The following RCOR1 variants were observed in gnomAD, a reference collection of about 807,000 sequenced individuals.
RCOR1 encodes the protein REST corepressor 1, also known as REST corepressor.
Under a neutral mutation model 64.0 loss-of-function variants are expected in RCOR1, and 12 were observed. The observed-to-expected ratio is 0.19, with a 90% CI of 0.12 to 0.30. RCOR1 has a LOEUF of 0.30. RCOR1 is among the 10% of genes least tolerant of loss of function. RCOR1 has a pLI of 1.00. For missense variants in RCOR1, 502 were observed against 621.2 expected (o/e 0.81, Z 2.04); for synonymous variants, 279 against 227.2 (o/e 1.23, Z -2.05).
chr14:102,593,426 T>C, intron 2 of RCOR1, 101 bp downstream of exon 2: 1 of 1,262,818 alleles, frequency 7.9e-7, no homozygotes. Flanking sequence ...TTTCTTTTTG[T>C]GCGTTCGCCC....
At chr14:102,708,118 A>G (rs1398790798) in intron 5 of RCOR1, among the ~76,000 whole-genome samples, 2 of 151,996 alleles carry the variant, frequency 1.3e-5, no homozygotes, top group East Asian at 1.9e-4. Flanking sequence ...GGCGCCCGCT[A>G]CCACGCCCGG....
chr14:102,729,800 T>C lies in RCOR1; in HGVS notation c.*3294T>C. Reference sequence around the variant, plus strand: ...AAGCCAAACAGTGCATTACGCTAACTGGATCCCTGCTTTTATGTGAGCTAA... The same window carrying C: ...AAGCCAAACAGTGCATTACGCTAACCGGATCCCTGCTTTTATGTGAGCTAA... On this transcript the variant is annotated 3_prime_UTR_variant, in exon 12 of 12. Transcript: ENST00000262241. 2.5e-6 allele frequency: 1 copy of C among 399,098 alleles called. No individual in the cohort carries two copies. Among genetic ancestry groups the C allele is most frequent in the Non-Finnish European group, 4.4e-6 (1 of 226,072 alleles). 24.7% of individuals were successfully genotyped at this position (399,098 alleles called of 1,614,324 possible).
intron 11 of RCOR1, 151 bp downstream of exon 11, chr14:102,722,567 T>A: frequency 1.6e-6 from 1 of 632,354 alleles, no homozygotes. Flanking sequence ...GGAATGTGTA[T>A]GCATTGACTC....
intron 2 of RCOR1, among the ~76,000 whole-genome samples, chr14:102,604,660 C>G (rs955505545): frequency 9.9e-5 from 15 of 152,024 alleles, no homozygotes; most frequent in Admixed American, 4.6e-4. Flanking sequence ...TTTTATGTTT[C>G]AGTAAGAAAG....
At chr14:102,715,724 T>G (rs1256829615) in intron 8 of RCOR1, among the ~76,000 whole-genome samples, 2 of 152,198 alleles carry the variant, frequency 1.3e-5, no homozygotes, top group Non-Finnish European at 2.9e-5. Flanking sequence ...TTTTGTCCAT[T>G]TTTGAATTTT....
At chr14:102,618,807 C>T (rs1186241393) in intron 2 of RCOR1, among the ~76,000 whole-genome samples, 5 of 151,890 alleles carry the variant, frequency 3.3e-5, no homozygotes, top group Non-Finnish European at 7.4e-5. Flanking sequence ...AACCTAGGGG[C>T]TTGGTGGGAT....
chr14:102,675,589 A>G (rs1895128830), intron 2 of RCOR1, among the ~76,000 whole-genome samples: 1 of 152,228 alleles, frequency 6.6e-6, no homozygotes. Context: ...GATGTGGTGC[A>G]CAAATGGATG....
At chr14:102,625,433 CCAT>C (rs1893960025) in intron 2 of RCOR1, among the ~76,000 whole-genome samples, 1 of 151,602 alleles carries the variant, frequency 6.6e-6, no homozygotes, top group Non-Finnish European at 1.5e-5. Flanking sequence ...CAGGGTTTCT[CCAT>C]GTTGGTCAGG....
intron 2 of RCOR1, among the ~76,000 whole-genome samples, chr14:102,625,918 G>A (rs1425670467): frequency 1.3e-5 from 2 of 152,078 alleles, no homozygotes; most frequent in African/African-American, 4.8e-5. Flanking sequence ...TAATCCTTCC[G>A]ATACCTTGGC....
chr14:102,725,983 G>T (rs1046933009), intron 11 of RCOR1, among the ~76,000 whole-genome samples: 3 of 152,170 alleles, frequency 2.0e-5, no homozygotes, highest in East Asian at 1.9e-4. Context: ...CACATATTGG[G>T]GTTTGAGGCC....
chr14:102,658,549 G>A, intron 2 of RCOR1: 1 of 985,284 alleles, frequency 1.0e-6, no homozygotes, highest in South Asian at 4.7e-5. Flanking sequence ...TTTAGAATGT[G>A]ACTCTTTTCT....
chr14:102,667,039 A>G (rs1459618602), intron 2 of RCOR1, among the ~76,000 whole-genome samples: 1 of 152,188 alleles, frequency 6.6e-6, no homozygotes, highest in Admixed American at 6.5e-5. Flanking sequence ...TGATTTGATC[A>G]GAATTATGTT....
intron 3 of RCOR1, among the ~76,000 whole-genome samples, chr14:102,689,150 T>C (rs1246183868): frequency 6.6e-6 from 1 of 152,196 alleles, no homozygotes; most frequent in Non-Finnish European, 1.5e-5. Context: ...AAAATATATG[T>C]AGAGTTTAGG....
intron 3 of RCOR1, among the ~76,000 whole-genome samples, chr14:102,696,984 A>G (rs762975119): frequency 2.6e-4 from 39 of 151,996 alleles, no homozygotes; most frequent in Non-Finnish European, 2.9e-5. Context: ...CTGTAAAGGA[A>G]CAGGGTAGGT....
At chr14:102,665,656 G>A (rs1249295274) in intron 2 of RCOR1, among the ~76,000 whole-genome samples, 1 of 152,176 alleles carries the variant, frequency 6.6e-6, no homozygotes, top group East Asian at 1.9e-4. Flanking sequence ...CAATAACAAA[G>A]TGGTTAAAAT....
At chr14:102,655,945 T>C (rs1458101857) in intron 2 of RCOR1, 1 of 775,516 alleles carries the variant, frequency 1.3e-6, no homozygotes, top group East Asian at 1.8e-4. Flanking sequence ...AGAGTGAGAC[T>C]TTTTGTCACA....
chr14:102,685,732 C>T (rs952491077), intron 3 of RCOR1, among the ~76,000 whole-genome samples: 1 of 152,086 alleles, frequency 6.6e-6, no homozygotes, highest in Non-Finnish European at 1.5e-5. Flanking sequence ...GAGGCTGAGG[C>T]GAGCTGATCA....
intron 2 of RCOR1, among the ~76,000 whole-genome samples, chr14:102,680,469 C>T (rs947897676): frequency 6.6e-6 from 1 of 152,026 alleles, no homozygotes; most frequent in East Asian, 1.9e-4. Flanking sequence ...TTCTTTGTAG[C>T]GTTAGCATTG....
intron 2 of RCOR1, among the ~76,000 whole-genome samples, chr14:102,604,264 A>C (rs994727087): frequency 6.6e-6 from 1 of 152,224 alleles, no homozygotes; most frequent in Non-Finnish European, 1.5e-5. Context: ...TATAGGTTAA[A>C]GGTTAAAGTT....
Sources: allele counts gnomAD v4.1 joint callset (sites outside exome capture counted in the v4.1 genomes callset), GRCh38; gene constraint gnomAD v4.1.1; transcripts MANE v1.5; gene names NCBI Gene and HGNC (gene_info 2026-07-23, HGNC 2026-07-21).